The following MCPH1 variants were observed in gnomAD, a reference collection of about 807,000 sequenced individuals.
MCPH1 encodes the protein microcephalin.
In MCPH1, 104 loss-of-function variants were observed where a neutral mutation model predicts 84.5. That is an observed-to-expected ratio of 1.23 (90% CI 1.05 to 1.45). The LOEUF (loss-of-function observed/expected upper bound fraction) is 1.45. Among genes scored for constraint, MCPH1 ranks in the 40% most tolerant of loss-of-function variants. MCPH1 has a pLI of 0.00. For synonymous variants in MCPH1, 514 were observed against 366.8 expected (o/e 1.40, Z -4.58); for missense variants, 1,498 against 1,005.7 (o/e 1.49, Z -6.62).
chr8:6,523,944 C>T (rs2129569984), intron 12 of MCPH1, among the ~76,000 whole-genome samples: 1 of 151,120 alleles, frequency 6.6e-6, no homozygotes, highest in African/African-American at 2.4e-5. Context: ...CCTGACACTA[C>T]ATTATTCAGC....
chr8:6,535,347 C>G (rs974817755), intron 12 of MCPH1, among the ~76,000 whole-genome samples: 1 of 152,096 alleles, frequency 6.6e-6, no homozygotes, highest in Non-Finnish European at 1.5e-5. Context: ...AACTTAGGAA[C>G]TTTGAAAGAC....
At chr8:6,434,060 C>T (rs1802281427) in intron 4 of MCPH1, among the ~76,000 whole-genome samples, 1 of 152,040 alleles carries the variant, frequency 6.6e-6, no homozygotes, top group Non-Finnish European at 1.5e-5. Flanking sequence ...CTCTGTGAGA[C>T]CTATCCTGCC....
chr8:6,542,645 T>C (rs1383498209), intron 12 of MCPH1, among the ~76,000 whole-genome samples: 1 of 152,162 alleles, frequency 6.6e-6, no homozygotes, highest in Non-Finnish European at 1.5e-5. Context: ...TTCTTACTTT[T>C]TCATTTTTGA....
chr8:6,582,453 C>G (rs1827633311), intron 12 of MCPH1, among the ~76,000 whole-genome samples: 1 of 152,226 alleles, frequency 6.6e-6, no homozygotes, highest in Non-Finnish European at 1.5e-5. Context: ...TGTGTATTTG[C>G]TTATTTAACC....
At chr8:6,411,459 G>C (rs918303688) in intron 2 of MCPH1, among the ~76,000 whole-genome samples, 1 of 152,192 alleles carries the variant, frequency 6.6e-6, no homozygotes, top group Non-Finnish European at 1.5e-5. Context: ...GATGATGCTG[G>C]CAATTCAGAT....
chr8:6,505,046 A>G (rs887373486), intron 12 of MCPH1, among the ~76,000 whole-genome samples: 1 of 151,600 alleles, frequency 6.6e-6, no homozygotes, highest in Non-Finnish European at 1.5e-5. Flanking sequence ...TGATATCTCC[A>G]TATGTAGGAA....
chr8:6,619,673 C>A (rs1439761679), intron 12 of MCPH1, among the ~76,000 whole-genome samples: 1 of 152,064 alleles, frequency 6.6e-6, no homozygotes, highest in African/African-American at 2.4e-5. Context: ...CAAGCTCCAC[C>A]TCCCGGGTTC....
chr8:6,507,720 T>G (rs1165159857), intron 12 of MCPH1: 1 of 151,764 alleles, frequency 6.6e-6, no homozygotes, highest in Non-Finnish European at 1.5e-5. Context: ...GTAGCTGGGA[T>G]TACAGGTGCC....
chr8:6,584,964 T>C (rs988285999), intron 12 of MCPH1, among the ~76,000 whole-genome samples: 6 of 152,214 alleles, frequency 3.9e-5, no homozygotes, highest in African/African-American at 1.4e-4. Context: ...TTGAGTCGAA[T>C]TGGCAATTTT....
intron 2 of MCPH1, among the ~76,000 whole-genome samples, chr8:6,413,025 A>G (rs1232426468): frequency 3.3e-5 from 5 of 152,182 alleles, no homozygotes; most frequent in African/African-American, 1.2e-4. Flanking sequence ...TTGTACATAT[A>G]TTACTTCAGT....
At chr8:6,587,521 C>G (rs1828093322) in intron 12 of MCPH1, among the ~76,000 whole-genome samples, 1 of 152,204 alleles carries the variant, frequency 6.6e-6, no homozygotes. Flanking sequence ...CTGGTGATTG[C>G]TGGACATTGA....
chr8:6,580,663 A>AAAAAC (rs1385841990), intron 12 of MCPH1, among the ~76,000 whole-genome samples: 1 of 152,128 alleles, frequency 6.6e-6, no homozygotes, highest in African/African-American at 2.4e-5. Context: ...CCACAAAAAC[A>AAAAAC]AAAACAAAAC....
intron 12 of MCPH1, among the ~76,000 whole-genome samples, chr8:6,547,096 G>C (rs367581419): frequency 1.6e-4 from 24 of 152,052 alleles, no homozygotes; most frequent in African/African-American, 5.1e-4. Context: ...TGGAAGTGTA[G>C]ATAGGTGCCA....
In MCPH1 at chr8:6,511,096, C is replaced by T. The variant is rs369565722; in HGVS notation, c.2214+11167C>T. ...TTGTCTCCTTTGAACATGTTTAGTT[C>T]TCATGGAACTTGTTAAATTATCCCC... On this transcript the variant is annotated intron_variant, in intron 12 of 13. Coordinates refer to ENST00000344683, the MANE Select transcript of MCPH1 (RefSeq NM_024596.5). Among the ~76,000 whole-genome samples the T allele has an allele frequency of 8.5e-4, 129 of 152,238 alleles. No homozygotes were observed. In the South Asian group the frequency reaches 0.023, roughly 27 times the overall value.
At position 6,499,946 on chromosome 8, in the gene MCPH1, T is replaced by C; in HGVS notation, c.2214+17T>C. 2 of 1,605,110 alleles carry C rather than the reference T, an allele frequency of 1.2e-6. No homozygotes were observed. The highest frequency in any genetic ancestry group is 2.2e-5 in the South Asian group (2 of 90,892). On this transcript the variant is annotated intron_variant, in intron 12 of 13. Transcript: ENST00000344683. ...GCAGCTCCCGTAAGTCAGATGTTGT[T>C]TTACGATGGTAAATGCAGTTTGCTG...
Position 6,528,610 on chromosome 8 carries a change from C to T in MCPH1, c.2214+28681C>T, listed in dbSNP as rs140388548. Among the ~76,000 whole-genome samples the T allele has an allele frequency of 9.2e-3, 1,406 of 152,370 alleles. 23 individuals are homozygous for T. The highest frequency in any genetic ancestry group is 0.032 in the African/African-American group (1,318 of 41,588). On this transcript the variant is annotated intron_variant, in intron 12 of 13. Coordinates refer to ENST00000344683, the MANE Select transcript of MCPH1 (RefSeq NM_024596.5). ...TTGCCGTGCGGGCCTTTGTGAGCTA[C>T]TGCGTGGCATGAGCAGTGCGGCTCT...
intron 12 of MCPH1, among the ~76,000 whole-genome samples, chr8:6,619,377 A>G (rs1329143515): frequency 6.6e-6 from 1 of 151,984 alleles, no homozygotes; most frequent in Admixed American, 6.6e-5. Context: ...TGCCACCTCC[A>G]CCTCCCAGAT....
intron 12 of MCPH1, chr8:6,502,032 T>C (rs956453354): frequency 2.6e-5 from 4 of 152,068 alleles, no homozygotes; most frequent in African/African-American, 9.7e-5. Context: ...CATATAGCTT[T>C]GTAAATTTCT....
intron 12 of MCPH1, among the ~76,000 whole-genome samples, chr8:6,584,807 C>T (rs150496267): frequency 6.6e-6 from 1 of 152,310 alleles, no homozygotes; most frequent in East Asian, 1.9e-4. Flanking sequence ...TGCTTGCAAA[C>T]GTAGTTCTTT....
Sources: allele counts gnomAD v4.1 joint callset (sites outside exome capture counted in the v4.1 genomes callset), GRCh38; gene constraint gnomAD v4.1.1; transcripts MANE v1.5; gene names NCBI Gene and HGNC (gene_info 2026-07-23, HGNC 2026-07-21).